Variants in TERC observed in about 807,000 individuals in gnomAD.
TERC encodes the protein telomerase RNA component.
In TERC at chr3:169,764,999, T is replaced by C. The variant is rs1203113072; in HGVS notation, n.62A>G. ...GAGCAAAAGCACGGCGCCTACGCCC[T>C]TCTCAGTTAGGGTTAGACAAAAAAT... On this transcript the variant is annotated non_coding_transcript_exon_variant, in exon 1 of 1. Transcript: ENST00000602385. This position sits in a 1 kb window ranked among gnomAD's most constrained non-coding sequence, Gnocchi z 4.3. 2.6e-6 allele frequency: 2 copies of C among 765,364 alleles called. No individual in the cohort carries two copies. Among genetic ancestry groups the C allele is most frequent in the Non-Finnish European group, 4.8e-6 (2 of 418,016 alleles). The allele number at this position is 765,364 out of a possible 1,614,324, so 47.4% of individuals were successfully genotyped here. A position where few individuals can be genotyped will look rare whatever the true frequency, so the allele number is the denominator to read the frequency against.
chr3:169,764,826 G>T lies in TERC; in HGVS notation n.235C>A, dbSNP rs1336382572. 1.4e-6 allele frequency: 1 copy of T among 728,592 alleles called. No homozygotes were observed. The highest frequency in any genetic ancestry group is 2.5e-6 in the Non-Finnish European group (1 of 399,088). The allele number at this position is 728,592 out of a possible 1,614,324, so 45.1% of individuals were successfully genotyped here. A position where few individuals can be genotyped will look rare whatever the true frequency, so the allele number is the denominator to read the frequency against. On this transcript the variant is annotated non_coding_transcript_exon_variant, in exon 1 of 1. Transcript: ENST00000602385. This position sits in a 1 kb window ranked among gnomAD's most constrained non-coding sequence, Gnocchi z 4.3. Reference sequence around the variant, plus strand: ...CCGCGGCCTCCAGGCGGGGTTCGGGGGCTGGGCAGGCGACCCGCCGCAGGT... The same window carrying T: ...CCGCGGCCTCCAGGCGGGGTTCGGGTGCTGGGCAGGCGACCCGCCGCAGGT...
chr3:169,765,006 T>A lies in TERC; in HGVS notation n.55A>T, dbSNP rs1777964464. On this transcript the variant is annotated non_coding_transcript_exon_variant, in exon 1 of 1. Coordinates refer to ENST00000602385, the Ensembl canonical transcript of TERC. ...AGCACGGCGCCTACGCCCTTCTCAG[T>A]TAGGGTTAGACAAAAAATGGCCACC... The A allele has an allele frequency of 7.8e-6, 6 of 765,306 alleles. No homozygotes were observed. Among genetic ancestry groups the A allele is most frequent in the Admixed American group, 1.7e-5 (1 of 59,026 alleles). 47.4% of individuals were successfully genotyped at this position (765,306 alleles called of 1,614,324 possible).
rs1414718271 is a variant in TERC, at chr3:169,764,930, G to A, written n.131C>T. On this transcript the variant is annotated non_coding_transcript_exon_variant, in exon 1 of 1. Coordinates refer to ENST00000602385, the Ensembl canonical transcript of TERC. The surrounding 1 kb of genome is among the most constrained non-coding windows in gnomAD (Gnocchi z 4.3). ...GAACGGTGGAAGGCGGCAGGCCGAG[G>A]CTTTTCCGCCCGCTGAAAGTCAGCG... 3.9e-6 allele frequency: 3 copies of A among 765,366 alleles called. No homozygotes were observed. The highest frequency in any genetic ancestry group is 7.2e-6 in the Non-Finnish European group (3 of 417,942). The allele number at this position is 765,366 out of a possible 1,614,324, so 47.4% of individuals were successfully genotyped here.
rs1281896655 is a variant in TERC, at chr3:169,764,696, G to A, written n.365C>T. 2 of 760,206 alleles carry A rather than the reference G, an allele frequency of 2.6e-6. No individual in the cohort carries two copies. The highest frequency in any genetic ancestry group is 4.8e-6 in the Non-Finnish European group (2 of 415,638). The allele number at this position is 760,206 out of a possible 1,614,324, so 47.1% of individuals were successfully genotyped here. ...GGACTCGCTCCGTTCCTCTTCCTGC[G>A]GCCTGAAAGGCCTGAACCTCGCCCT... On this transcript the variant is annotated non_coding_transcript_exon_variant, in exon 1 of 1. Coordinates refer to ENST00000602385, the Ensembl canonical transcript of TERC. This position sits in a 1 kb window ranked among gnomAD's most constrained non-coding sequence, Gnocchi z 4.3.
At position 169,764,667 on chromosome 3, in the gene TERC, G is replaced by T; in HGVS notation, n.394C>A. Reference sequence around the variant, plus strand: ...CACAGCTCAGGGAATCGCGCCGCGCGCGGGGACTCGCTCCGTTCCTCTTCC... The same window carrying T: ...CACAGCTCAGGGAATCGCGCCGCGCTCGGGGACTCGCTCCGTTCCTCTTCC... On this transcript the variant is annotated non_coding_transcript_exon_variant, in exon 1 of 1. Coordinates refer to ENST00000602385, the Ensembl canonical transcript of TERC. The surrounding 1 kb of genome is among the most constrained non-coding windows in gnomAD (Gnocchi z 4.3). The T allele has an allele frequency of 1.3e-6, 1 of 752,534 alleles. No individual in the cohort carries two copies. The highest frequency in any genetic ancestry group is 2.4e-6 in the Non-Finnish European group (1 of 410,372). 46.6% of individuals were successfully genotyped at this position (752,534 alleles called of 1,614,324 possible). A position where few individuals can be genotyped will look rare whatever the true frequency, so the allele number is the denominator to read the frequency against.
In TERC at chr3:169,764,865, G is replaced by A. The variant is rs573600318; in HGVS notation, n.196C>T. 6.6e-6 allele frequency: 5 copies of A among 756,172 alleles called. No homozygotes were observed. Among genetic ancestry groups the A allele is most frequent in the Admixed American group, 5.2e-5 (3 of 57,608 alleles). 46.8% of individuals were successfully genotyped at this position (756,172 alleles called of 1,614,324 possible). On this transcript the variant is annotated non_coding_transcript_exon_variant, in exon 1 of 1. Transcript: ENST00000602385. This position sits in a 1 kb window ranked among gnomAD's most constrained non-coding sequence, Gnocchi z 4.3. ...CCCGCCGCAGGTCCCCGGGAGGGGC[G>A]AACGGGCCAGCAGCTGACATTTTTT...
rs766746392 is a variant in TERC at position 169,765,037 on chromosome 3, T to C, written n.24A>G. 9.2e-6 allele frequency: 7 copies of C among 764,718 alleles called. No individual in the cohort carries two copies. Among genetic ancestry groups the C allele is most frequent in the East Asian group, 2.4e-5 (1 of 41,226 alleles). 47.4% of individuals were successfully genotyped at this position (764,718 alleles called of 1,614,324 possible). A position where few individuals can be genotyped will look rare whatever the true frequency, so the allele number is the denominator to read the frequency against. ...TTAGACAAAAAATGGCCACCACCCC[T>C]CCCAGGCCCACCCTCCGCAACCCGG... On this transcript the variant is annotated non_coding_transcript_exon_variant, in exon 1 of 1. Transcript: ENST00000602385.
At position 169,764,986 on chromosome 3, in the gene TERC, G is replaced by A. The variant is rs771988301; in HGVS notation, n.75C>T. The A allele has an allele frequency of 9.1e-6, 7 of 765,494 alleles. No individual in the cohort carries two copies. The highest frequency in any genetic ancestry group is 6.8e-5 in the Admixed American group (4 of 59,044). 47.4% of individuals were successfully genotyped at this position (765,494 alleles called of 1,614,324 possible). On this transcript the variant is annotated non_coding_transcript_exon_variant, in exon 1 of 1. Coordinates refer to ENST00000602385, the Ensembl canonical transcript of TERC. This position sits in a 1 kb window ranked among gnomAD's most constrained non-coding sequence, Gnocchi z 4.3. ...AACAGCGCGCGGGGAGCAAAAGCAC[G>A]GCGCCTACGCCCTTCTCAGTTAGGG...
rs781517281 is a variant in TERC, at chr3:169,765,054, G to T, written n.7C>A. ...ACCACCCCTCCCAGGCCCACCCTCCGCAACCCGGTGCGCTGCCGGGCGAGT... is the reference window on the plus strand; with the variant it reads ...ACCACCCCTCCCAGGCCCACCCTCCTCAACCCGGTGCGCTGCCGGGCGAGT... On this transcript the variant is annotated non_coding_transcript_exon_variant, in exon 1 of 1. Coordinates refer to ENST00000602385, the Ensembl canonical transcript of TERC. 5 of 764,380 alleles carry T rather than the reference G, an allele frequency of 6.5e-6. No homozygotes were observed. The highest frequency in any genetic ancestry group is 1.7e-5 in the Admixed American group (1 of 58,994). The allele number at this position is 764,380 out of a possible 1,614,324, so 47.3% of individuals were successfully genotyped here. A position where few individuals can be genotyped will look rare whatever the true frequency, so the allele number is the denominator to read the frequency against.
chr3:169,764,744 G>A lies in TERC; in HGVS notation n.317C>T, dbSNP rs2108182912. 3 of 752,180 alleles carry A rather than the reference G, an allele frequency of 4.0e-6. No individual in the cohort carries two copies. The highest frequency in any genetic ancestry group is 2.5e-5 in the East Asian group (1 of 40,538). The allele number at this position is 752,180 out of a possible 1,614,324, so 46.6% of individuals were successfully genotyped here. A position where few individuals can be genotyped will look rare whatever the true frequency, so the allele number is the denominator to read the frequency against. ...CCTCGCCCCCGAGAGACCCGCGGCT[G>A]ACAGAGCCCAACTCTTCGCGGTGGC... On this transcript the variant is annotated non_coding_transcript_exon_variant, in exon 1 of 1. Coordinates refer to ENST00000602385, the Ensembl canonical transcript of TERC. This position sits in a 1 kb window ranked among gnomAD's most constrained non-coding sequence, Gnocchi z 4.3.
At position 169,764,790 on chromosome 3, in the gene TERC, C is replaced by A; in HGVS notation, n.271G>T. The A allele has an allele frequency of 1.4e-6, 1 of 736,610 alleles. No individual in the cohort carries two copies. Among genetic ancestry groups the A allele is most frequent in the South Asian group, 1.4e-5 (1 of 71,626 alleles). 45.6% of individuals were successfully genotyped at this position (736,610 alleles called of 1,614,324 possible). A position where few individuals can be genotyped will look rare whatever the true frequency, so the allele number is the denominator to read the frequency against. ...GTGGCAGTGGGTGCCTCCGGAGAAG[C>A]CCCGGGCCGACCGCGGCCTCCAGGC... On this transcript the variant is annotated non_coding_transcript_exon_variant, in exon 1 of 1. Transcript: ENST00000602385. The surrounding 1 kb of genome is among the most constrained non-coding windows in gnomAD (Gnocchi z 4.3).
At position 169,764,665 on chromosome 3, in the gene TERC, G is replaced by A. The variant is rs1483089001; in HGVS notation, n.396C>T. ...CCCACAGCTCAGGGAATCGCGCCGCGCGCGGGGACTCGCTCCGTTCCTCTT... is the reference window on the plus strand; with the variant it reads ...CCCACAGCTCAGGGAATCGCGCCGCACGCGGGGACTCGCTCCGTTCCTCTT... On this transcript the variant is annotated non_coding_transcript_exon_variant, in exon 1 of 1. Coordinates refer to ENST00000602385, the Ensembl canonical transcript of TERC. This position sits in a 1 kb window ranked among gnomAD's most constrained non-coding sequence, Gnocchi z 4.3. 1 of 751,956 alleles carries A rather than the reference G, an allele frequency of 1.3e-6. No homozygotes were observed. 46.6% of individuals were successfully genotyped at this position (751,956 alleles called of 1,614,324 possible).
rs781517281 is a variant in TERC, at chr3:169,765,054, G to A, written n.7C>T. The A allele has an allele frequency of 5.2e-6, 4 of 764,380 alleles. No individual in the cohort carries two copies. The highest frequency in any genetic ancestry group is 3.4e-5 in the African/African-American group (2 of 59,246). The allele number at this position is 764,380 out of a possible 1,614,324, so 47.3% of individuals were successfully genotyped here. On this transcript the variant is annotated non_coding_transcript_exon_variant, in exon 1 of 1. Transcript: ENST00000602385. Reference sequence around the variant, plus strand: ...ACCACCCCTCCCAGGCCCACCCTCCGCAACCCGGTGCGCTGCCGGGCGAGT... The same window carrying A: ...ACCACCCCTCCCAGGCCCACCCTCCACAACCCGGTGCGCTGCCGGGCGAGT...
Position 169,764,720 on chromosome 3 carries a change from C to T in TERC, n.341G>A, listed in dbSNP as rs1777959766. ...CGGCCTGAAAGGCCTGAACCTCGCC[C>T]TCGCCCCCGAGAGACCCGCGGCTGA... is the stretch of plus-strand genomic sequence containing the variant. On this transcript the variant is annotated non_coding_transcript_exon_variant, in exon 1 of 1. Coordinates refer to ENST00000602385, the Ensembl canonical transcript of TERC. This position sits in a 1 kb window ranked among gnomAD's most constrained non-coding sequence, Gnocchi z 4.3. 37 of 757,302 alleles carry T rather than the reference C, an allele frequency of 4.9e-5. No homozygotes were observed. In the East Asian group the frequency reaches 9.1e-4, roughly 19 times the overall value. The allele number at this position is 757,302 out of a possible 1,614,324, so 46.9% of individuals were successfully genotyped here.
chr3:169,764,778 C>A lies in TERC; in HGVS notation n.283G>T, dbSNP rs2108182963. 1.3e-6 allele frequency: 1 copy of A among 741,814 alleles called. No individual in the cohort carries two copies. The allele number at this position is 741,814 out of a possible 1,614,324, so 46.0% of individuals were successfully genotyped here. ...CAACTCTTCGCGGTGGCAGTGGGTG[C>A]CTCCGGAGAAGCCCCGGGCCGACCG... On this transcript the variant is annotated non_coding_transcript_exon_variant, in exon 1 of 1. Coordinates refer to ENST00000602385, the Ensembl canonical transcript of TERC. The surrounding 1 kb of genome is among the most constrained non-coding windows in gnomAD (Gnocchi z 4.3).
Position 169,764,725 on chromosome 3 carries a change from C to A in TERC, n.336G>T. Reference sequence around the variant, plus strand: ...TGAAAGGCCTGAACCTCGCCCTCGCCCCCGAGAGACCCGCGGCTGACAGAG... The same window carrying A: ...TGAAAGGCCTGAACCTCGCCCTCGCACCCGAGAGACCCGCGGCTGACAGAG... On this transcript the variant is annotated non_coding_transcript_exon_variant, in exon 1 of 1. Coordinates refer to ENST00000602385, the Ensembl canonical transcript of TERC. The surrounding 1 kb of genome is among the most constrained non-coding windows in gnomAD (Gnocchi z 4.3). The A allele has an allele frequency of 1.3e-6, 1 of 755,488 alleles. No individual in the cohort carries two copies. The highest frequency in any genetic ancestry group is 2.4e-6 in the Non-Finnish European group (1 of 413,418). The allele number at this position is 755,488 out of a possible 1,614,324, so 46.8% of individuals were successfully genotyped here.
chr3:169,764,785 A>T lies in TERC; in HGVS notation n.276T>A, dbSNP rs1174129039. The T allele has an allele frequency of 1.4e-6, 1 of 739,336 alleles. No individual in the cohort carries two copies. Among genetic ancestry groups the T allele is most frequent in the East Asian group, 2.5e-5 (1 of 39,960 alleles). The allele number at this position is 739,336 out of a possible 1,614,324, so 45.8% of individuals were successfully genotyped here. A position where few individuals can be genotyped will look rare whatever the true frequency, so the allele number is the denominator to read the frequency against. ...TCGCGGTGGCAGTGGGTGCCTCCGG[A>T]GAAGCCCCGGGCCGACCGCGGCCTC... On this transcript the variant is annotated non_coding_transcript_exon_variant, in exon 1 of 1. Coordinates refer to ENST00000602385, the Ensembl canonical transcript of TERC. This position sits in a 1 kb window ranked among gnomAD's most constrained non-coding sequence, Gnocchi z 4.3.
Position 169,764,856 on chromosome 3 carries a change from G to A in TERC, n.205C>T, listed in dbSNP as rs1192146620. On this transcript the variant is annotated non_coding_transcript_exon_variant, in exon 1 of 1. Coordinates refer to ENST00000602385, the Ensembl canonical transcript of TERC. This position sits in a 1 kb window ranked among gnomAD's most constrained non-coding sequence, Gnocchi z 4.3. ...GGCAGGCGACCCGCCGCAGGTCCCC[G>A]GGAGGGGCGAACGGGCCAGCAGCTG... 11 of 752,020 alleles carry A rather than the reference G, an allele frequency of 1.5e-5. No individual in the cohort carries two copies. Among genetic ancestry groups the A allele is most frequent in the Non-Finnish European group, 2.2e-5 (9 of 411,424 alleles). 46.6% of individuals were successfully genotyped at this position (752,020 alleles called of 1,614,324 possible).
chr3:169,764,965 G>A lies in TERC; in HGVS notation n.96C>T, dbSNP rs1777963621. The A allele has an allele frequency of 1.3e-6, 1 of 765,498 alleles. No homozygotes were observed. The highest frequency in any genetic ancestry group is 2.4e-6 in the Non-Finnish European group (1 of 418,008). 47.4% of individuals were successfully genotyped at this position (765,498 alleles called of 1,614,324 possible). A position where few individuals can be genotyped will look rare whatever the true frequency, so the allele number is the denominator to read the frequency against. ...CCGCTGAAAGTCAGCGAGAAAAACA[G>A]CGCGCGGGGAGCAAAAGCACGGCGC... On this transcript the variant is annotated non_coding_transcript_exon_variant, in exon 1 of 1. Coordinates refer to ENST00000602385, the Ensembl canonical transcript of TERC. This position sits in a 1 kb window ranked among gnomAD's most constrained non-coding sequence, Gnocchi z 4.3.
Sources: gnomAD v4.1 joint callset for allele counts on GRCh38, gnomAD v4.1.1 for gene constraint, Gnocchi (gnomAD v3.1) non-coding constraint, MANE v1.5 for transcripts, NCBI Gene and HGNC (gene_info 2026-07-23, HGNC 2026-07-21) for gene names.